Variants in BANK1 observed in about 807,000 individuals in gnomAD.
BANK1 encodes B-cell scaffold protein with ankyrin repeats.
A neutral mutation model predicts 94.5 loss-of-function variants in BANK1; 95 were observed. The ratio of observed to expected loss-of-function variants is 1.00; its 90% CI spans 0.85 to 1.19. The LOEUF is 1.19. Among genes scored for constraint, BANK1 ranks in the 50% most tolerant of loss-of-function variants. BANK1 has a pLI of 0.00. For missense variants in BANK1, 987 were observed against 932.2 expected (o/e 1.06, Z -0.77); for synonymous variants, 334 against 308.4 (o/e 1.08, Z -0.87).
chr4:102,011,781 A>C (rs887095308), intron 7 of BANK1, among the ~76,000 whole-genome samples: 1 of 152,190 alleles, frequency 6.6e-6, no homozygotes, highest in African/African-American at 2.4e-5. Context: ...TTTTTTATCA[A>C]CTTATCACAT....
chr4:102,058,716 G>C (rs895892414), intron 11 of BANK1, among the ~76,000 whole-genome samples: 6 of 149,196 alleles, frequency 4.0e-5, no homozygotes, highest in Non-Finnish European at 7.4e-5. Context: ...AAAAAAAAAG[G>C]TAAAAGCAGA....
rs1252898936 is a variant in BANK1 at position 102,009,409 on chromosome 4, AC to A, written c.1207-12103del. 9.9e-5 allele frequency among the ~76,000 whole-genome samples: 15 copies of A among 152,256 alleles called. No individual in the cohort carries two copies. In the South Asian group the frequency reaches 2.1e-3, roughly 21 times the overall value. ...GTTGCTTTGACTGCCCAGATGCCCT[AC>A]CTCTGCCTCTACTCCTGCTTTTGAA... On this transcript the variant is annotated intron_variant, in intron 7 of 16. Transcript: ENST00000322953.
intron 5 of BANK1, among the ~76,000 whole-genome samples, chr4:101,891,482 G>A (rs1721867317): frequency 6.6e-6 from 1 of 151,996 alleles, no homozygotes; most frequent in Non-Finnish European, 1.5e-5. Flanking sequence ...GGTTTATCCT[G>A]TTTTTGCTTT....
At chr4:101,964,014 G>A (rs2148920144) in intron 7 of BANK1, among the ~76,000 whole-genome samples, 1 of 152,224 alleles carries the variant, frequency 6.6e-6, no homozygotes, top group South Asian at 2.1e-4. Flanking sequence ...ATCATTTGAT[G>A]TGAACTGTTA....
At chr4:101,855,292 T>C in intron 3 of BANK1, 103 bp downstream of exon 3, 1 of 1,206,130 alleles carries the variant, frequency 8.3e-7, no homozygotes, top group Non-Finnish European at 1.1e-6. Context: ...TTGCCCAGGC[T>C]GGTCTTTAAC....
At chr4:101,963,979 A>G (rs1169967060) in intron 7 of BANK1, among the ~76,000 whole-genome samples, 2 of 152,056 alleles carry the variant, frequency 1.3e-5, no homozygotes, top group East Asian at 3.9e-4. Flanking sequence ...GACAGCTCCA[A>G]TAGCATTTTT....
At chr4:101,867,308 T>C (rs1181370600) in intron 4 of BANK1, among the ~76,000 whole-genome samples, 1 of 151,714 alleles carries the variant, frequency 6.6e-6, no homozygotes, top group Non-Finnish European at 1.5e-5. Flanking sequence ...CTATATTCAG[T>C]GAAATTATCC....
At chr4:101,984,788 T>C (rs1335984565) in intron 7 of BANK1, among the ~76,000 whole-genome samples, 1 of 152,064 alleles carries the variant, frequency 6.6e-6, no homozygotes, top group South Asian at 2.1e-4. Context: ...TTTAAATAGC[T>C]ATCTGCATAA....
At chr4:101,797,051 G>T (rs1416914211) in intron 1 of BANK1, among the ~76,000 whole-genome samples, 2 of 152,104 alleles carry the variant, frequency 1.3e-5, no homozygotes, top group Non-Finnish European at 2.9e-5. Flanking sequence ...GTGTTTTAGA[G>T]ATTAGTCTTT....
chr4:102,062,147 A>C (rs1232724512), intron 12 of BANK1: 1 of 152,244 alleles, frequency 6.6e-6, no homozygotes, highest in Non-Finnish European at 1.5e-5. Context: ...TATCAGAGGT[A>C]ACTGAAGTCA....
chr4:101,973,550 G>A (rs1048875195), intron 7 of BANK1, among the ~76,000 whole-genome samples: 2 of 152,002 alleles, frequency 1.3e-5, no homozygotes, highest in African/African-American at 2.4e-5. Flanking sequence ...TATAGGAATA[G>A]AAGATCAGTA....
intron 7 of BANK1, among the ~76,000 whole-genome samples, chr4:101,942,730 CCTGG>C (rs1475398707): frequency 6.6e-6 from 1 of 151,550 alleles, no homozygotes; most frequent in African/African-American, 2.4e-5. Flanking sequence ...AAGATAAAGT[CCTGG>C]GTGGTAAATG....
chr4:101,936,261 A>G (rs1723537959), intron 7 of BANK1, among the ~76,000 whole-genome samples: 1 of 146,020 alleles, frequency 6.8e-6, no homozygotes, highest in Non-Finnish European at 1.5e-5. Context: ...ACACACATAC[A>G]TGTATGCATA....
chr4:101,892,562 T>G (rs933531206), intron 5 of BANK1, among the ~76,000 whole-genome samples: 48 of 151,818 alleles, frequency 3.2e-4, no homozygotes, highest in Admixed American at 1.3e-3. Flanking sequence ...GGATATGTGT[T>G]TAATTTGTTC....
intron 4 of BANK1, among the ~76,000 whole-genome samples, chr4:101,870,084 TA>T (rs200005743): frequency 0.033 from 4,882 of 149,608 alleles, 269 homozygotes; most frequent in African/African-American, 0.11. Context: ...TTCAAATTAC[TA>T]TTTTTGAGAC....
intron 2 of BANK1, among the ~76,000 whole-genome samples, chr4:101,840,661 A>G (rs1727012121): frequency 6.6e-6 from 1 of 152,292 alleles, no homozygotes; most frequent in South Asian, 2.1e-4. Flanking sequence ...GTTAATCTAT[A>G]ATCTATAGAA....
At chr4:101,984,306 A>G (rs959028526) in intron 7 of BANK1, among the ~76,000 whole-genome samples, 1 of 152,054 alleles carries the variant, frequency 6.6e-6, no homozygotes, top group Non-Finnish European at 1.5e-5. Flanking sequence ...GCCAAGATCA[A>G]TATTATCCTC....
At chr4:101,822,893 A>G (rs574050206) in intron 1 of BANK1, among the ~76,000 whole-genome samples, 3 of 152,196 alleles carry the variant, frequency 2.0e-5, no homozygotes, top group South Asian at 2.1e-4. Context: ...GGGATTACAC[A>G]TATGAGCCAC....
intron 11 of BANK1, among the ~76,000 whole-genome samples, chr4:102,057,543 C>G (rs1199616485): frequency 6.6e-6 from 1 of 152,024 alleles, no homozygotes; most frequent in Non-Finnish European, 1.5e-5. Context: ...GTTACCCAGG[C>G]TGGTCTGGAA....
Sources: gnomAD v4.1 joint callset for allele counts (sites outside exome capture counted in the v4.1 genomes callset) on GRCh38, gnomAD v4.1.1 for gene constraint, MANE v1.5 for transcripts, NCBI Gene and HGNC (gene_info 2026-07-23, HGNC 2026-07-21) for gene names.